The following LTN1 variants were observed in gnomAD, a reference collection of about 807,000 sequenced individuals.
LTN1 encodes the protein E3 ubiquitin-protein ligase listerin.
A neutral mutation model predicts 201.2 loss-of-function variants in LTN1; 88 were observed. The observed-to-expected ratio is 0.44, with a 90% CI of 0.37 to 0.52. The LOEUF is 0.52. LTN1 is among the 20% of genes least tolerant of loss of function. The pLI is 0.00. For synonymous variants in LTN1, 645 were observed against 713.5 expected (o/e 0.90, Z 1.53); for missense variants, 1,752 against 2,038.7 (o/e 0.86, Z 2.71).
intron 11 of LTN1, chr21:28,964,582 C>T: frequency 6.5e-7 from 1 of 1,532,900 alleles, no homozygotes; most frequent in Non-Finnish European, 8.8e-7. Flanking sequence ...CTTACGATGT[C>T]TCTGAGATAT....
intron 26 of LTN1, 131 bp downstream of exon 26, chr21:28,936,395 T>C: frequency 1.7e-6 from 1 of 594,420 alleles, no homozygotes; most frequent in Non-Finnish European, 2.8e-6. Context: ...ATATGGAAAA[T>C]GGTCAATTTC....
At position 28,966,874 on chromosome 21, in the gene LTN1, A is replaced by T; in HGVS notation, c.1617T>A (p.Val539=). 6.2e-7 allele frequency: 1 copy of T among 1,608,724 alleles called. No homozygotes were observed. Among genetic ancestry groups the T allele is most frequent in the South Asian group, 1.1e-5 (1 of 88,662 alleles). ...TTTCAAGTATCTCATCAGCAAATCT[A>T]ACCTTACCATTTTTTTTTTTACTTG... The part of the protein sequence containing the change: ...LKSSKKKNGK[V]RFADEILESN... Residue 539 remains valine, a synonymous_variant, in exon 10 of 30, where the codon GTT becomes GTA. Coordinates refer to ENST00000361371, the MANE Select transcript of LTN1 (RefSeq NM_015565.3).
intron 18 of LTN1, among the ~76,000 whole-genome samples, chr21:28,948,686 T>A (rs1390433769): frequency 2.6e-5 from 4 of 152,146 alleles, no homozygotes; most frequent in Non-Finnish European, 5.9e-5. Flanking sequence ...TCAGAACATA[T>A]AAATTATTCT....
At position 28,960,822 on chromosome 21, in the gene LTN1, C is replaced by T. The variant is rs2084471815; in HGVS notation, c.2164-116G>A. ...GTTATCATGGCTCCAATTCTATCCC[C>T]CCTCCTCCTCCTCCTGAAGTTCTAG... On this transcript the variant is annotated intron_variant, in intron 11 of 29. Transcript: ENST00000361371. 3 of 662,606 alleles carry T rather than the reference C, an allele frequency of 4.5e-6. No homozygotes were observed. The South Asian group carries it at 5.9e-5, about 13-fold the overall frequency. The allele number at this position is 662,606 out of a possible 1,614,324, so 41.0% of individuals were successfully genotyped here.
intron 13 of LTN1, 98 bp from the exon 14 acceptor site, chr21:28,958,637 A>T: frequency 2.3e-6 from 2 of 888,494 alleles, no homozygotes; most frequent in South Asian, 4.0e-5. Flanking sequence ...AGATTTTTTT[A>T]AATACCATTT....
At chr21:28,952,028 C>T (rs2084386777) in intron 18 of LTN1, 132 bp downstream of exon 18, 1 of 557,810 alleles carries the variant, frequency 1.8e-6, no homozygotes, top group African/African-American at 1.9e-5. Context: ...ATTTAATTTG[C>T]CTTGAAGTCG....
At chr21:28,987,185 C>G (rs961760755) in intron 1 of LTN1, among the ~76,000 whole-genome samples, 1 of 151,978 alleles carries the variant, frequency 6.6e-6, no homozygotes, top group Non-Finnish European at 1.5e-5. Context: ...TGGATACAAT[C>G]CATTAGTGGC....
rs758306096 is a variant in LTN1, at chr21:28,960,685, G to A, written c.2185C>T (p.His729Tyr). The A allele has an allele frequency of 6.2e-7, 1 of 1,613,590 alleles. No homozygotes were observed. Among genetic ancestry groups the A allele is most frequent in the Non-Finnish European group, 8.5e-7 (1 of 1,179,684 alleles). The change falls in exon 12 of 30, where the codon CAT becomes TAT. Residue 729 changes from histidine (H) to tyrosine (Y), a missense_variant. This residue lies in a region of LTN1 where 1,211 missense variants were observed against 1,312.8 expected (regional missense o/e 0.92). Transcript: ENST00000361371. ...TTGAGCCAAGGAGTTACTAAAGCATGTTTATCTGAACTAGGACATGCCTAA... is the reference window on the plus strand; with the variant it reads ...TTGAGCCAAGGAGTTACTAAAGCATATTTATCTGAACTAGGACATGCCTAA... Reference protein sequence around the residue: ...IEKACPSSDKHALVTPWLKGD... With the variant: ...IEKACPSSDKYALVTPWLKGD...
At chr21:28,954,132 A>G (rs1026904887) in intron 16 of LTN1, among the ~76,000 whole-genome samples, 10 of 152,220 alleles carry the variant, frequency 6.6e-5, no homozygotes, top group African/African-American at 2.4e-4. Flanking sequence ...AATATTGCCA[A>G]TTTGTAATTA....
At position 28,954,087 on chromosome 21, in the gene LTN1, T is replaced by C. The variant is rs148043810; in HGVS notation, c.3080-711A>G. On this transcript the variant is annotated intron_variant, in intron 16 of 29. Coordinates refer to ENST00000361371, the MANE Select transcript of LTN1 (RefSeq NM_015565.3). ...GTCATGGTAACAAAAACAACAATAA[T>C]ATCTGACTAATGAGCTCGATAAAAT... 3.3e-5 allele frequency among the ~76,000 whole-genome samples: 5 copies of C among 152,264 alleles called. No individual in the cohort carries two copies. The East Asian group carries it at 9.6e-4, about 29-fold the overall frequency.
rs113001715 is a variant in LTN1 at position 28,956,844 on chromosome 21, A to G, written c.2997T>C (p.Cys999=). Residue 999 remains cysteine, a synonymous_variant, in exon 16 of 30, where the codon TGT becomes TGC. Transcript: ENST00000361371. ...QDIKTLPSHL[C]TSALLSKMVL... ...CCATTTTGCTCAATAATGCTGAAGT[A>G]CACAAATGGCTGGGAAGTGTCTTTA... The G allele has an allele frequency of 1.6e-5, 25 of 1,612,012 alleles. No individual in the cohort carries two copies. Among genetic ancestry groups the G allele is most frequent in the Non-Finnish European group, 2.0e-5 (24 of 1,178,570 alleles).
chr21:28,943,261 C>A lies in LTN1; in HGVS notation c.4295+1G>T. On this transcript the variant is annotated splice_donor_variant, in intron 24 of 29. Coordinates refer to ENST00000361371, the MANE Select transcript of LTN1 (RefSeq NM_015565.3). LOFTEE classifies it high-confidence loss of function. The stretch of plus-strand genomic sequence containing the variant: ...AAACAAATTATTTAAAAAAACCTTA[C>A]AAGGCTGGCTCTTCTTCTTCATCTC... 1 of 1,584,452 alleles carries A rather than the reference C, an allele frequency of 6.3e-7. No individual in the cohort carries two copies. Among genetic ancestry groups the A allele is most frequent in the South Asian group, 1.1e-5 (1 of 88,752 alleles).
In LTN1 at chr21:28,935,214, A is replaced by C. The variant is rs2084244952; in HGVS notation, c.4770T>G (p.Val1590=). Residue 1590 remains valine (V), a synonymous_variant, in exon 27 of 30, where the codon GTT becomes GTG. Coordinates refer to ENST00000361371, the MANE Select transcript of LTN1 (RefSeq NM_015565.3). ...TTGTAAATCTATCCACAATATTGAA[A>C]ACACGCTTCTCACTGCTATTCCACC... ...RLWWNSSEKR[V]FNIVDRFTSK... 6.2e-7 allele frequency: 1 copy of C among 1,613,324 alleles called. No individual in the cohort carries two copies. The highest frequency in any genetic ancestry group is 1.3e-5 in the African/African-American group (1 of 74,908).
chr21:28,983,806 A>T lies in LTN1; in HGVS notation c.576+886T>A, dbSNP rs957402382. Reference sequence around the variant, plus strand: ...GAATAAATGCAAGCATAGATTTTTTAAAAAATTATCAATTCCCTCCTCACT... The same window carrying T: ...GAATAAATGCAAGCATAGATTTTTTTAAAAATTATCAATTCCCTCCTCACT... On this transcript the variant is annotated intron_variant, in intron 4 of 29. Coordinates refer to ENST00000361371, the MANE Select transcript of LTN1 (RefSeq NM_015565.3). 5.3e-5 allele frequency among the ~76,000 whole-genome samples: 8 copies of T among 152,348 alleles called. No homozygotes were observed. The South Asian group carries it at 1.0e-3, about 20-fold the overall frequency.
rs144247811 is a variant in LTN1 at position 28,960,819 on chromosome 21, C to A, written c.2164-113G>T. 3.0e-3 allele frequency: 2,015 copies of A among 672,526 alleles called. 9 individuals are homozygous for A. The highest frequency in any genetic ancestry group is 8.7e-3 in the Middle Eastern group (31 of 3,550). The allele number at this position is 672,526 out of a possible 1,614,324, so 41.7% of individuals were successfully genotyped here. ...TTCGTTATCATGGCTCCAATTCTAT[C>A]CCCCCTCCTCCTCCTCCTGAAGTTC... On this transcript the variant is annotated intron_variant, in intron 11 of 29. Coordinates refer to ENST00000361371, the MANE Select transcript of LTN1 (RefSeq NM_015565.3).
At chr21:28,961,792 A>T (rs2084481283) in intron 11 of LTN1, among the ~76,000 whole-genome samples, 1 of 152,158 alleles carries the variant, frequency 6.6e-6, no homozygotes, top group Non-Finnish European at 1.5e-5. Context: ...TGGTTTTTTT[A>T]AAAGATGACT....
chr21:28,963,447 C>A lies in LTN1; in HGVS notation c.2163+2418G>T, dbSNP rs1053181440. Among the ~76,000 whole-genome samples the A allele has an allele frequency of 2.0e-5, 3 of 152,136 alleles. No individual in the cohort carries two copies. The East Asian group carries it at 5.8e-4, about 29-fold the overall frequency. ...GGACTAAATTACAGCACGTTTATAG[C>A]GTGGTTTATTCAATATCTTAAGCCC... On this transcript the variant is annotated intron_variant, in intron 11 of 29. Transcript: ENST00000361371.
intron 26 of LTN1, among the ~76,000 whole-genome samples, chr21:28,935,777 T>C (rs2084251164): frequency 6.6e-6 from 1 of 150,430 alleles, no homozygotes; most frequent in Admixed American, 6.6e-5. Flanking sequence ...AAGGCGGAGC[T>C]TGCAGTGAGC....
At chr21:28,948,086 G>T (rs1423012514) in intron 18 of LTN1, among the ~76,000 whole-genome samples, 1 of 143,020 alleles carries the variant, frequency 7.0e-6, no homozygotes, top group Non-Finnish European at 1.5e-5. Context: ...CAGCTACTCA[G>T]GAGGCTGAGG....
Sources: gnomAD v4.1 joint callset for allele counts (sites outside exome capture counted in the v4.1 genomes callset) on GRCh38, gnomAD v4.1.1 for gene constraint, gnomAD v4.1.1 regional missense constraint, MANE v1.5 for transcripts, NCBI Gene and HGNC (gene_info 2026-07-23, HGNC 2026-07-21) for gene names.